Variants in OLFM2 observed in about 807,000 individuals in gnomAD.
OLFM2 encodes olfactomedin 2, also known as noelin-2.
In OLFM2, 20 loss-of-function variants were observed where a neutral mutation model predicts 43.9. The observed-to-expected ratio is 0.46, with a 90% CI of 0.32 to 0.66. The LOEUF (loss-of-function observed/expected upper bound fraction) is 0.66. OLFM2 is among the 30% of genes least tolerant of loss of function. The pLI, the probability that OLFM2 is intolerant of heterozygous loss-of-function variation, is 0.04. For synonymous variants in OLFM2, 268 were observed against 278.6 expected (o/e 0.96, Z 0.38); for missense variants, 416 against 643.6 (o/e 0.65, Z 3.83).
At chr19:9,877,258 G>A (rs1461644813) in intron 1 of OLFM2, among the ~76,000 whole-genome samples, 6 of 148,752 alleles carry the variant, frequency 4.0e-5, no homozygotes, top group South Asian at 2.1e-4. Flanking sequence ...ATATGGCCAG[G>A]TGCGGTGGCT....
chr19:9,880,275 C>T (rs2046528482), intron 1 of OLFM2, among the ~76,000 whole-genome samples: 2 of 152,150 alleles, frequency 1.3e-5, no homozygotes, highest in Admixed American at 6.6e-5. Context: ...GCAGAGCATC[C>T]GTTCATCCCA....
chr19:9,887,210 C>A (rs1028630078), intron 1 of OLFM2, among the ~76,000 whole-genome samples: 3 of 151,838 alleles, frequency 2.0e-5, no homozygotes, highest in African/African-American at 7.3e-5. Context: ...TGGAGTCTCG[C>A]TCTTGTTGCC....
At chr19:9,919,436 G>A (rs2145000965) in intron 1 of OLFM2, among the ~76,000 whole-genome samples, 1 of 151,580 alleles carries the variant, frequency 6.6e-6, no homozygotes, top group South Asian at 2.1e-4. Context: ...AAAGTGCTGG[G>A]ATTTACAGGC....
At chr19:9,889,151 T>C (rs35833111) in intron 1 of OLFM2, among the ~76,000 whole-genome samples, 147,987 of 152,004 alleles carry the variant, frequency 0.97, 72,328 homozygotes, top group Middle Eastern at 1. Context: ...AACTGAGGCC[T>C]GGAGAGGGGA....
At chr19:9,931,150 T>C (rs2086479718) in intron 1 of OLFM2, among the ~76,000 whole-genome samples, 1 of 152,206 alleles carries the variant, frequency 6.6e-6, no homozygotes, top group African/African-American at 2.4e-5. Flanking sequence ...CACTGGGACA[T>C]TTACATGCTC....
At chr19:9,884,758 C>T (rs1295780609) in intron 1 of OLFM2, among the ~76,000 whole-genome samples, 5 of 152,160 alleles carry the variant, frequency 3.3e-5, no homozygotes, top group African/African-American at 1.2e-4. Context: ...CTTTTCCTTG[C>T]ATGGTGGGTG....
chr19:9,886,194 G>C (rs62104263), intron 1 of OLFM2, among the ~76,000 whole-genome samples: 18,937 of 152,008 alleles, frequency 0.12, 1,264 homozygotes, highest in Middle Eastern at 0.18. Flanking sequence ...TTCAACCTAA[G>C]AGGGTTTTTG....
At chr19:9,915,235 C>T (rs2144996704) in intron 1 of OLFM2, among the ~76,000 whole-genome samples, 1 of 120,734 alleles carries the variant, frequency 8.3e-6, no homozygotes, top group African/African-American at 3.3e-5. Flanking sequence ...TTTCTTTTCT[C>T]TCTCTTTTTT....
intron 1 of OLFM2, among the ~76,000 whole-genome samples, chr19:9,904,809 C>A (rs1407848020): frequency 6.6e-6 from 1 of 151,992 alleles, no homozygotes; most frequent in Non-Finnish European, 1.5e-5. Flanking sequence ...CACTTGAGGA[C>A]AGGAGTTTGA....
rs766616361 is a variant in OLFM2, at chr19:9,860,657, T to C, written c.201A>G (p.Gln67=). The C allele has an allele frequency of 6.3e-7, 1 of 1,587,784 alleles. No homozygotes were observed. The highest frequency in any genetic ancestry group is 8.6e-7 in the Non-Finnish European group (1 of 1,166,238). Residue 67 remains glutamine, a synonymous_variant, in exon 2 of 6, where the codon CAA becomes CAG. Transcript: ENST00000264833. ...GGAAGGTTCTCACCTTCTCCATCAG[T>C]TGCCGCAGCTCCCGACTCCTGCCAT... ...SRDGRSRELR[Q]LMEKVQNVSQ...
intron 1 of OLFM2, among the ~76,000 whole-genome samples, chr19:9,864,188 A>C (rs1191704610): frequency 6.6e-6 from 1 of 152,262 alleles, no homozygotes; most frequent in African/African-American, 2.4e-5. Context: ...CCAGTGGGAA[A>C]GAACTCGAAG....
At chr19:9,926,058 G>A (rs908696908) in intron 1 of OLFM2, among the ~76,000 whole-genome samples, 2 of 151,646 alleles carry the variant, frequency 1.3e-5, no homozygotes, top group African/African-American at 4.8e-5. Context: ...GATCCCTGGA[G>A]CCCAGGAGAT....
intron 1 of OLFM2, among the ~76,000 whole-genome samples, chr19:9,890,732 T>C (rs11667692): frequency 0.41 from 61,868 of 151,572 alleles, 13,630 homozygotes; most frequent in Admixed American, 0.58. Context: ...GCAGGAGAAC[T>C]GCTTGAGGCC....
chr19:9,877,047 T>C (rs770524916), intron 1 of OLFM2, among the ~76,000 whole-genome samples: 9 of 150,724 alleles, frequency 6.0e-5, no homozygotes, highest in African/African-American at 1.5e-4. Flanking sequence ...CTGGCCAACA[T>C]GGTGAAATCC....
At chr19:9,900,489 T>A (rs933993837) in intron 1 of OLFM2, among the ~76,000 whole-genome samples, 2 of 151,992 alleles carry the variant, frequency 1.3e-5, no homozygotes, top group African/African-American at 2.4e-5. Context: ...ATGATTCGAC[T>A]CAATAAAAAC....
chr19:9,926,334 C>T (rs990070980), intron 1 of OLFM2, among the ~76,000 whole-genome samples: 6 of 149,726 alleles, frequency 4.0e-5, no homozygotes, highest in Admixed American at 2.7e-4. Context: ...GGGCGGATCA[C>T]GAGGTCGGGA....
At chr19:9,900,931 G>A (rs1055842790) in intron 1 of OLFM2, among the ~76,000 whole-genome samples, 4 of 123,196 alleles carry the variant, frequency 3.2e-5, no homozygotes, top group African/African-American at 1.3e-4. Flanking sequence ...AAGGGAAAGG[G>A]AAGGGGAGGG....
chr19:9,880,494 G>C (rs188810470), intron 1 of OLFM2, among the ~76,000 whole-genome samples: 1 of 152,178 alleles, frequency 6.6e-6, no homozygotes, highest in East Asian at 1.9e-4. Flanking sequence ...CACTTTAGGA[G>C]GCTAAGGTGG....
chr19:9,891,549 G>A lies in OLFM2; in HGVS notation c.64-30755C>T, dbSNP rs529960343. On this transcript the variant is annotated intron_variant, in intron 1 of 5. Coordinates refer to ENST00000264833, the MANE Select transcript of OLFM2 (RefSeq NM_058164.4). ...CTGAGGCAGGAGAATTGCTTGAACC[G>A]GGAGGCAGAGGTGAGCTGAGATGGC... is the stretch of plus-strand genomic sequence containing the variant. Among the ~76,000 whole-genome samples the A allele has an allele frequency of 1.9e-4, 29 of 150,976 alleles. 1 individual carries two copies. The highest frequency in any genetic ancestry group is 8.6e-4 in the Admixed American group (13 of 15,110).
Sources: allele counts gnomAD v4.1 joint callset (sites outside exome capture counted in the v4.1 genomes callset), GRCh38; gene constraint gnomAD v4.1.1; transcripts MANE v1.5; gene names NCBI Gene and HGNC (gene_info 2026-07-23, HGNC 2026-07-21).